Variants in APPL2 observed in about 807,000 individuals in gnomAD.
The protein encoded by APPL2 is DCC-interacting protein 13-beta.
In APPL2, 84 loss-of-function variants were observed where a neutral mutation model predicts 92.7. The ratio of observed to expected loss-of-function variants is 0.91; its 90% CI spans 0.76 to 1.09. The LOEUF is 1.09. Ranked by LOEUF, APPL2 falls within the 50% of genes least tolerant of loss-of-function variation. APPL2 has a pLI of 0.00. For synonymous variants in APPL2, 291 were observed against 291.0 expected (o/e 1.00, Z 0.00); for missense variants, 736 against 824.5 (o/e 0.89, Z 1.31).
chr12:105,206,784 T>A (rs999185759), intron 8 of APPL2: 6 of 296,184 alleles, frequency 2.0e-5, no homozygotes, highest in Non-Finnish European at 3.7e-5. Context: ...TTCATTCGGA[T>A]TAGAAAAAAA....
chr12:105,203,527 C>A, intron 9 of APPL2, 176 bp downstream of exon 9: 1 of 627,928 alleles, frequency 1.6e-6, no homozygotes, highest in East Asian at 2.7e-5. Flanking sequence ...CAATGTGCCC[C>A]AGATATTTAT....
At position 105,197,955 on chromosome 12, in the gene APPL2, T is replaced by G; in HGVS notation, c.864-2A>C. 6.2e-7 allele frequency: 1 copy of G among 1,612,366 alleles called. No individual in the cohort carries two copies. Among genetic ancestry groups the G allele is most frequent in the Non-Finnish European group, 8.5e-7 (1 of 1,179,168 alleles). On this transcript the variant is annotated splice_acceptor_variant, in intron 10 of 20. Transcript: ENST00000258530. LOFTEE classifies it high-confidence loss of function. ...GTGGTGGTGACCAGCCCTGTTTTGC[T>G]GTGAGTTGTGTTTTAAAAAGCCCAT...
At chr12:105,198,390 T>C (rs995296996) in intron 10 of APPL2, among the ~76,000 whole-genome samples, 1 of 152,208 alleles carries the variant, frequency 6.6e-6, no homozygotes, top group African/African-American at 2.4e-5. Flanking sequence ...GATTTTGCTG[T>C]AATTGAAGGT....
chr12:105,195,555 G>C (rs759791375), intron 12 of APPL2, 30 bp downstream of exon 12: 3 of 1,614,180 alleles, frequency 1.9e-6, no homozygotes, highest in Non-Finnish European at 2.5e-6. Context: ...CACCACGTTA[G>C]GAAAGAAATA....
At chr12:105,212,779 G>GC (rs1889335259) in intron 4 of APPL2, among the ~76,000 whole-genome samples, 1 of 152,212 alleles carries the variant, frequency 6.6e-6, no homozygotes, top group Non-Finnish European at 1.5e-5. Flanking sequence ...TTCTGCACAC[G>GC]CATCTCCCAA....
intron 18 of APPL2, 98 bp downstream of exon 18, chr12:105,177,128 G>T: frequency 6.3e-7 from 1 of 1,593,402 alleles, no homozygotes; most frequent in Non-Finnish European, 8.6e-7. Context: ...CCTATTAGTG[G>T]CAGATCTTTA....
intron 17 of APPL2, among the ~76,000 whole-genome samples, chr12:105,178,050 C>G (rs1885723589): frequency 6.6e-6 from 1 of 152,146 alleles, no homozygotes; most frequent in South Asian, 2.1e-4. Flanking sequence ...TTCAGTCTCC[C>G]AAAGTGCTGG....
Position 105,190,041 on chromosome 12 carries a change from G to C in APPL2, c.1356C>G (p.Phe452Leu). 1 of 1,614,172 alleles carries C rather than the reference G, an allele frequency of 6.2e-7. No individual in the cohort carries two copies. ...ATTCTGTAGCAGGAAGCACAATATCGAATTGAATCGGCGTTCCAGGCGCGA... is the reference window on the plus strand; with the variant it reads ...ATTCTGTAGCAGGAAGCACAATATCCAATTGAATCGGCGTTCCAGGCGCGA... ...ELIAPGTPIQ[F>L]DIVLPATEFL... Residue 452 changes from phenylalanine (F) to leucine (L), a missense_variant, in exon 15 of 21, where the codon TTC becomes TTG. Phe to Leu is a conservative substitution (Grantham distance 22). Transcript: ENST00000258530.
chr12:105,179,926 T>G (rs1486452933), intron 17 of APPL2, among the ~76,000 whole-genome samples: 2 of 152,264 alleles, frequency 1.3e-5, no homozygotes, highest in African/African-American at 4.8e-5. Context: ...GTAGGTTGCC[T>G]GTTCACTCTG....
chr12:105,205,458 G>A (rs576315068), intron 8 of APPL2, among the ~76,000 whole-genome samples: 2 of 152,270 alleles, frequency 1.3e-5, no homozygotes, highest in East Asian at 3.9e-4. Context: ...TTCTCCCTCT[G>A]TGGCCAGAGC....
intron 16 of APPL2, among the ~76,000 whole-genome samples, 186 bp from the exon 17 acceptor site, chr12:105,188,633 C>T (rs1412519336): frequency 6.6e-6 from 1 of 152,192 alleles, no homozygotes; most frequent in East Asian, 1.9e-4. Flanking sequence ...TACATCTTGT[C>T]AGTTTGTTTG....
chr12:105,185,423 C>T (rs1417943511), intron 17 of APPL2, among the ~76,000 whole-genome samples: 1 of 152,288 alleles, frequency 6.6e-6, no homozygotes, highest in African/African-American at 2.4e-5. Context: ...CTGCGGGCTG[C>T]AAAGACAGTG....
intron 17 of APPL2, among the ~76,000 whole-genome samples, chr12:105,181,298 C>G (rs1356993386): frequency 6.6e-6 from 1 of 152,146 alleles, no homozygotes; most frequent in Non-Finnish European, 1.5e-5. Context: ...CCTTGCATCC[C>G]AGGGATGAAG....
chr12:105,209,298 A>G (rs556496279), intron 5 of APPL2, among the ~76,000 whole-genome samples: 218 of 152,302 alleles, frequency 1.4e-3, no homozygotes, highest in Middle Eastern at 0.014. Context: ...ACCTGGGGCC[A>G]AATACTTCAA....
intron 1 of APPL2, chr12:105,233,535 T>C: frequency 3.3e-6 from 1 of 307,482 alleles, no homozygotes; most frequent in Non-Finnish European, 4.8e-6. Flanking sequence ...ATTTAATTCA[T>C]CCTGTGCAAT....
intron 2 of APPL2, among the ~76,000 whole-genome samples, chr12:105,223,271 C>A (rs1241547271): frequency 6.6e-6 from 1 of 152,192 alleles, no homozygotes; most frequent in South Asian, 2.1e-4. Flanking sequence ...TAACAACAGG[C>A]AAACGTTGTT....
intron 2 of APPL2, among the ~76,000 whole-genome samples, chr12:105,225,313 C>T (rs1890412165): frequency 6.6e-6 from 1 of 152,244 alleles, no homozygotes; most frequent in African/African-American, 2.4e-5. Context: ...CTGCCAGGAA[C>T]ATTATTACCC....
intron 8 of APPL2, among the ~76,000 whole-genome samples, chr12:105,206,329 TGAGA>T (rs541727606): frequency 1.3e-5 from 2 of 152,186 alleles, no homozygotes; most frequent in African/African-American, 4.8e-5. Context: ...GATTGTCAAC[TGAGA>T]GAAGATTCCT....
intron 2 of APPL2, among the ~76,000 whole-genome samples, chr12:105,228,595 A>G (rs1290833224): frequency 6.6e-6 from 1 of 152,244 alleles, no homozygotes. Flanking sequence ...ACTTCTTGAC[A>G]TTAAAAAGAT....
Sources: allele counts gnomAD v4.1 joint callset (sites outside exome capture counted in the v4.1 genomes callset), GRCh38; gene constraint gnomAD v4.1.1; transcripts MANE v1.5; gene names NCBI Gene and HGNC (gene_info 2026-07-23, HGNC 2026-07-21).